The following NKAIN3 variants were observed in gnomAD, a reference collection of about 807,000 sequenced individuals.
NKAIN3 encodes sodium/potassium-transporting ATPase subunit beta-1-interacting protein 3.
In NKAIN3, 25 loss-of-function variants were observed where a neutral mutation model predicts 30.2. The observed-to-expected ratio is 0.83, with a 90% CI of 0.60 to 1.16. The LOEUF (loss-of-function observed/expected upper bound fraction) is 1.16, where lower values mean the gene tolerates loss of function less well. NKAIN3 is among the 50% of genes most tolerant of loss of function. NKAIN3 has a pLI of 0.00. For missense variants in NKAIN3, 225 were observed against 254.1 expected, an observed-to-expected ratio of 0.89 and a Z score of 0.78; for synonymous variants, 91 against 89.6, an observed-to-expected ratio of 1.02 and a Z score of -0.09.
intron 4 of NKAIN3, among the ~76,000 whole-genome samples, chr8:62,869,437 G>A (rs966962990): frequency 2.0e-5 from 3 of 152,102 alleles, no homozygotes; most frequent in Non-Finnish European, 4.4e-5. Context: ...TTGGTTTTCT[G>A]TTCCTGTGTT....
At chr8:62,663,362 T>C (rs181300799) in intron 3 of NKAIN3, among the ~76,000 whole-genome samples, 1 of 152,250 alleles carries the variant, frequency 6.6e-6, no homozygotes, top group Admixed American at 6.5e-5. Flanking sequence ...ATTCAGGCAG[T>C]AATTATGAGA....
intron 1 of NKAIN3, among the ~76,000 whole-genome samples, chr8:62,486,409 C>G (rs931461085): frequency 3.4e-5 from 5 of 147,534 alleles, no homozygotes; most frequent in Non-Finnish European, 7.5e-5. Flanking sequence ...CTTTCTTTTT[C>G]AAAAAAAAAA....
At chr8:62,997,808 T>C (rs1217800622) in intron 5 of NKAIN3, among the ~76,000 whole-genome samples, 2 of 151,494 alleles carry the variant, frequency 1.3e-5, no homozygotes, top group Non-Finnish European at 1.5e-5. Context: ...GAGTGTGTTA[T>C]GAAATCTGAG....
chr8:62,945,329 AACTACT>A (rs1823091271), intron 5 of NKAIN3, among the ~76,000 whole-genome samples: 1 of 152,240 alleles, frequency 6.6e-6, no homozygotes, highest in East Asian at 1.9e-4. Context: ...GTTATTTTTA[AACTACT>A]ACTACTAGCT....
intron 1 of NKAIN3, among the ~76,000 whole-genome samples, chr8:62,367,396 G>A (rs944028611): frequency 5.9e-5 from 9 of 152,136 alleles, no homozygotes; most frequent in African/African-American, 2.2e-4. Context: ...TTATTTTGGG[G>A]CTGCAAGGAT....
At chr8:62,933,278 A>G (rs1053807256) in intron 5 of NKAIN3, among the ~76,000 whole-genome samples, 1 of 152,192 alleles carries the variant, frequency 6.6e-6, no homozygotes, top group Non-Finnish European at 1.5e-5. Flanking sequence ...TAGGAGCTAT[A>G]AAAAAAGAAA....
At chr8:62,736,346 T>C (rs1408914124) in intron 3 of NKAIN3, among the ~76,000 whole-genome samples, 1 of 152,122 alleles carries the variant, frequency 6.6e-6, no homozygotes, top group East Asian at 1.9e-4. Context: ...CTTGGGCAAG[T>C]CTTGCTGTGG....
intron 1 of NKAIN3, among the ~76,000 whole-genome samples, chr8:62,572,522 G>C (rs1367551513): frequency 6.6e-6 from 1 of 152,044 alleles, no homozygotes; most frequent in Non-Finnish European, 1.5e-5. Flanking sequence ...CACTCTACTG[G>C]TACTAATTTA....
rs1824066337 is a variant in NKAIN3, at chr8:62,981,211, A to G, written c.*15804A>G. ...TAAGCCTCTTATTTCCACATCTATA[A>G]GTATAGTGCTACATAATAATTACAA... On this transcript the variant is annotated 3_prime_UTR_variant, in exon 7 of 7. Transcript: ENST00000623646. 6.6e-6 allele frequency: 1 copy of G among 152,144 alleles called. No individual in the cohort carries two copies. Among genetic ancestry groups the G allele is most frequent in the South Asian group, 2.1e-4 (1 of 4,832 alleles). The allele number at this position is 152,144 out of a possible 1,614,324, so 9.4% of individuals were successfully genotyped here.
At chr8:62,576,628 A>C (rs762665574) in intron 1 of NKAIN3, among the ~76,000 whole-genome samples, 2 of 152,154 alleles carry the variant, frequency 1.3e-5, no homozygotes, top group African/African-American at 4.8e-5. Context: ...ACATGCATAT[A>C]AACAAATTCT....
chr8:62,966,072 A>G lies in NKAIN3; in HGVS notation c.*665A>G. Reference sequence around the variant, plus strand: ...ATATGTAGGCACATGGAAGAGTAAAAGGATTAGTAGAACCCCTTTCCCCTT... The same window carrying G: ...ATATGTAGGCACATGGAAGAGTAAAGGGATTAGTAGAACCCCTTTCCCCTT... On this transcript the variant is annotated 3_prime_UTR_variant, in exon 7 of 7. Transcript: ENST00000623646. 9.2e-6 allele frequency: 9 copies of G among 983,258 alleles called. No homozygotes were observed. Among genetic ancestry groups the G allele is most frequent in the Non-Finnish European group, 1.1e-5 (9 of 827,998 alleles). 60.9% of individuals were successfully genotyped at this position (983,258 alleles called of 1,614,324 possible). A position where few individuals can be genotyped will look rare whatever the true frequency, so the allele number is the denominator to read the frequency against.
Position 62,509,217 on chromosome 8 carries a change from C to T in NKAIN3, c.55-70322C>T, listed in dbSNP as rs60188394. ...GGTGGGGAGGGGGTCCCAAGCAAAG[C>T]ATTGTCAGAAGCTGGGAAAGGTATT... is the stretch of plus-strand genomic sequence containing the variant. On this transcript the variant is annotated intron_variant, in intron 1 of 6. Transcript: ENST00000623646. Among the ~76,000 whole-genome samples, 269 of 152,188 alleles carry T rather than the reference C, an allele frequency of 1.8e-3. 1 individual carries two copies. The highest frequency in any genetic ancestry group is 6.2e-3 in the African/African-American group (256 of 41,528).
intron 4 of NKAIN3, among the ~76,000 whole-genome samples, chr8:62,817,849 C>CA (rs1210785354): frequency 1.3e-5 from 2 of 152,156 alleles, no homozygotes; most frequent in Non-Finnish European, 2.9e-5. Context: ...GACCAGGGTC[C>CA]AGCAGGTCTG....
chr8:62,828,365 A>G (rs1014494245), intron 4 of NKAIN3, among the ~76,000 whole-genome samples: 1 of 152,184 alleles, frequency 6.6e-6, no homozygotes, highest in African/African-American at 2.4e-5. Flanking sequence ...ATTAAAATTC[A>G]TAGAACTGCA....
Position 62,863,905 on chromosome 8 carries a change from A to G in NKAIN3, c.472-54548A>G, listed in dbSNP as rs1230974140. The G allele has an allele frequency of 3.8e-6, 5 of 1,314,002 alleles. No individual in the cohort carries two copies. In the East Asian group the frequency reaches 9.2e-5, roughly 24 times the overall value. The allele number at this position is 1,314,002 out of a possible 1,614,324, so 81.4% of individuals were successfully genotyped here. A position where few individuals can be genotyped will look rare whatever the true frequency, so the allele number is the denominator to read the frequency against. ...CCTCTTGCTCATCATCTGATCCAGG[A>G]TCTCCTCCTTTGGCTCTGGTGGTGT... On this transcript the variant is annotated intron_variant, in intron 4 of 6. Coordinates refer to ENST00000623646, the MANE Select transcript of NKAIN3 (RefSeq NM_001304533.3).
chr8:62,578,513 G>A (rs555484509), intron 1 of NKAIN3, among the ~76,000 whole-genome samples: 44 of 152,160 alleles, frequency 2.9e-4, no homozygotes, highest in African/African-American at 8.9e-4. Flanking sequence ...TGAGCCCAGA[G>A]TAAGTAAATG....
At chr8:62,841,470 TC>T (rs2130760270) in intron 4 of NKAIN3, among the ~76,000 whole-genome samples, 1 of 152,164 alleles carries the variant, frequency 6.6e-6, no homozygotes, top group Non-Finnish European at 1.5e-5. Flanking sequence ...CTCTCACTCC[TC>T]CCCACCCAAG....
rs546299378 is a variant in NKAIN3 at position 62,568,853 on chromosome 8, ATTCTGGAGACAATTTT to A, written c.55-10682_55-10667del. On this transcript the variant is annotated intron_variant, in intron 1 of 6. Transcript: ENST00000623646. The stretch of plus-strand genomic sequence containing the variant: ...CAGAATTCAAGTAGCCTTTTCAAAT[ATTCTGGAGACAATTTT>A]TTCACCTAGAAGAGCTAGTTCAAGG... Among the ~76,000 whole-genome samples, 1,430 of 152,312 alleles carry A rather than the reference ATTCTGGAGACAATTTT, an allele frequency of 9.4e-3. 9 individuals are homozygous for A. The highest frequency in any genetic ancestry group is 0.017 in the Middle Eastern group (5 of 294).
intron 1 of NKAIN3, among the ~76,000 whole-genome samples, chr8:62,327,044 T>A (rs1815165803): frequency 6.6e-6 from 1 of 152,074 alleles, no homozygotes; most frequent in South Asian, 2.1e-4. Context: ...ATTATGGTTT[T>A]GATTTGCATT....
Sources: allele counts gnomAD v4.1 joint callset (sites outside exome capture counted in the v4.1 genomes callset), GRCh38; gene constraint gnomAD v4.1.1; transcripts MANE v1.5; gene names NCBI Gene and HGNC (gene_info 2026-07-23, HGNC 2026-07-21).